Variants in AMBRA1 observed in about 807,000 individuals in gnomAD.
The protein encoded by AMBRA1 is autophagy and beclin 1 regulator 1.
A neutral mutation model predicts 125.4 loss-of-function variants in AMBRA1; 47 were observed. That is an observed-to-expected ratio of 0.37 (90% CI 0.30 to 0.48). The LOEUF (loss-of-function observed/expected upper bound fraction) is 0.48. Among genes scored for constraint, AMBRA1 ranks in the 20% least tolerant of loss-of-function variants. AMBRA1 has a pLI of 0.99. For missense variants in AMBRA1, 1,331 were observed against 1,693.4 expected, an observed-to-expected ratio of 0.79 and a Z score of 3.76; for synonymous variants, 626 against 655.5, an observed-to-expected ratio of 0.95 and a Z score of 0.69.
intron 11 of AMBRA1, among the ~76,000 whole-genome samples, chr11:46,445,177 G>A (rs941828612): frequency 1.3e-5 from 2 of 151,980 alleles, no homozygotes; most frequent in Non-Finnish European, 2.9e-5. Flanking sequence ...AAAATTTCAT[G>A]GGAGGAGAGA....
intron 14 of AMBRA1, chr11:46,428,814 G>A (rs541822193): frequency 3.8e-5 from 61 of 1,611,102 alleles, no homozygotes; most frequent in African/African-American, 9.3e-5. Context: ...CTCGCAGGTC[G>A]CTCACCCTCC....
Position 46,418,006 on chromosome 11 carries a change from T to A in AMBRA1, c.3023A>T (p.His1008Leu). The A allele has an allele frequency of 6.2e-7, 1 of 1,607,702 alleles. No homozygotes were observed. Among genetic ancestry groups the A allele is most frequent in the Non-Finnish European group, 8.5e-7 (1 of 1,175,666 alleles). The change falls in exon 15 of 18, where the codon CAT becomes CTT. Residue 1008 changes from histidine (H) to leucine (L), a missense_variant. Physicochemically the swap from His to Leu is moderately conservative, Grantham distance 99. Transcript: ENST00000683756. Reference sequence around the variant, plus strand: ...CCAACGGGCAGAGTTGATACTGACATGTCTCCGCTGGTCGGCAGGCATGGG... The same window carrying A: ...CCAACGGGCAGAGTTGATACTGACAAGTCTCCGCTGGTCGGCAGGCATGGG... ...LYPMPADQRR[H>L]VSINSARWLP... is the part of the protein sequence containing the mutation.
chr11:46,568,772 CA>C (rs199607275), intron 1 of AMBRA1, among the ~76,000 whole-genome samples: 108 of 92,402 alleles, frequency 1.2e-3, no homozygotes, highest in Non-Finnish European at 1.4e-3. Context: ...AACTCCATCT[CA>C]AAAAAAAAAA....
chr11:46,557,276 G>T (rs1207327444), intron 1 of AMBRA1, among the ~76,000 whole-genome samples: 1 of 149,916 alleles, frequency 6.7e-6, no homozygotes, highest in Non-Finnish European at 1.5e-5. Flanking sequence ...ACTCCAGCCT[G>T]GGGGAGAGAG....
At chr11:46,430,962 C>T (rs1210296813) in intron 14 of AMBRA1, among the ~76,000 whole-genome samples, 1 of 152,226 alleles carries the variant, frequency 6.6e-6, no homozygotes, top group South Asian at 2.1e-4. Flanking sequence ...AAATTCACTT[C>T]TTGCCTTAAA....
intron 15 of AMBRA1, among the ~76,000 whole-genome samples, chr11:46,415,802 G>A (rs1590743879): frequency 6.6e-6 from 1 of 152,206 alleles, no homozygotes; most frequent in African/African-American, 2.4e-5. Flanking sequence ...TTCCTGGTGG[G>A]TAAGAGAGTT....
chr11:46,585,885 A>G (rs2044380399), intron 1 of AMBRA1, among the ~76,000 whole-genome samples: 1 of 148,356 alleles, frequency 6.7e-6, no homozygotes, highest in Non-Finnish European at 1.5e-5. Context: ...AGCTCACCAC[A>G]ACCTCCGCCT....
At chr11:46,419,132 G>A (rs1946720244) in intron 14 of AMBRA1, among the ~76,000 whole-genome samples, 4 of 152,208 alleles carry the variant, frequency 2.6e-5, no homozygotes, top group Admixed American at 2.6e-4. Context: ...TGAACATTCA[G>A]GCACACAACT....
intron 11 of AMBRA1, among the ~76,000 whole-genome samples, chr11:46,457,108 A>G (rs942560481): frequency 2.6e-5 from 4 of 152,240 alleles, no homozygotes; most frequent in Non-Finnish European, 5.9e-5. Flanking sequence ...ATTTCAGGGT[A>G]CAGCATTACA....
At chr11:46,437,391 T>A (rs1351341318) in intron 12 of AMBRA1, among the ~76,000 whole-genome samples, 1 of 152,224 alleles carries the variant, frequency 6.6e-6, no homozygotes, top group African/African-American at 2.4e-5. Context: ...CACAGAGATA[T>A]GCAAAGGACA....
chr11:46,524,029 C>T (rs932019113), intron 7 of AMBRA1, among the ~76,000 whole-genome samples: 8 of 152,058 alleles, frequency 5.3e-5, no homozygotes, highest in African/African-American at 9.7e-5. Flanking sequence ...CCACCATGCC[C>T]AGCTAATTTT....
intron 7 of AMBRA1, among the ~76,000 whole-genome samples, chr11:46,523,770 G>A (rs1214042227): frequency 2.6e-5 from 4 of 152,212 alleles, no homozygotes; most frequent in African/African-American, 4.8e-5. Flanking sequence ...AGAGAAAGGC[G>A]TGACACAAGA....
At chr11:46,519,843 C>T (rs1182243630) in intron 7 of AMBRA1, among the ~76,000 whole-genome samples, 1 of 152,106 alleles carries the variant, frequency 6.6e-6, no homozygotes, top group Non-Finnish European at 1.5e-5. Flanking sequence ...ACTCCTTTAA[C>T]ACTCTTAAAA....
intron 17 of AMBRA1, 90 bp from the exon 18 acceptor site, chr11:46,398,033 T>C (rs948000705): frequency 1.4e-6 from 2 of 1,476,250 alleles, no homozygotes; most frequent in Admixed American, 4.4e-5. Context: ...AGCTGGGGGA[T>C]TCTTGACTAA....
chr11:46,484,115 T>C (rs990261530), intron 11 of AMBRA1, among the ~76,000 whole-genome samples: 4 of 152,212 alleles, frequency 2.6e-5, no homozygotes, highest in African/African-American at 4.8e-5. Flanking sequence ...CACTGCAGCT[T>C]TGTGCCATGC....
At position 46,512,719 on chromosome 11, in the gene AMBRA1, G is replaced by C. The variant is rs1487664938; in HGVS notation, c.2159+8C>G. The C allele has an allele frequency of 7.4e-6, 12 of 1,612,294 alleles. No homozygotes were observed. Among genetic ancestry groups the C allele is most frequent in the South Asian group, 1.1e-5 (1 of 90,780 alleles). On this transcript the variant is annotated splice_region_variant and intron_variant, in intron 8 of 17. Coordinates refer to ENST00000683756, the MANE Select transcript of AMBRA1 (RefSeq NM_001387011.1). ...CCCACCTAGTGCCATTTCTCACTTTGGCCTTACCTCGCTGGGTCTGGGTAA... is the reference window on the plus strand; with the variant it reads ...CCCACCTAGTGCCATTTCTCACTTTCGCCTTACCTCGCTGGGTCTGGGTAA...
At position 46,542,076 on chromosome 11, in the gene AMBRA1, C is replaced by T. The variant is rs984551239; in HGVS notation, c.1941G>A (p.Gly647=). Residue 647 remains glycine, a synonymous_variant, in exon 7 of 18, where the codon GGG becomes GGA. Transcript: ENST00000683756. The surrounding 1 kb of genome is among the most constrained non-coding windows in gnomAD (Gnocchi z 5.9). ...SASPQEERTV[G]VAFNQETGHW... ...GGCCTGTCTCCTGGTTAAAGGCCACCCCCACAGTCCTCTCCTCCTGCGGAC... is the reference window on the plus strand; with the variant it reads ...GGCCTGTCTCCTGGTTAAAGGCCACTCCCACAGTCCTCTCCTCCTGCGGAC... 5 of 1,613,784 alleles carry T rather than the reference C, an allele frequency of 3.1e-6. No homozygotes were observed. In the Middle Eastern group the frequency reaches 6.6e-4, roughly 213 times the overall value.
At chr11:46,419,120 C>T (rs1476031245) in intron 14 of AMBRA1, among the ~76,000 whole-genome samples, 1 of 152,200 alleles carries the variant, frequency 6.6e-6, no homozygotes, top group African/African-American at 2.4e-5. Flanking sequence ...AGAGGGGAAT[C>T]GTGAACATTC....
intron 1 of AMBRA1, among the ~76,000 whole-genome samples, chr11:46,560,742 A>G (rs1486756011): frequency 3.3e-5 from 5 of 152,204 alleles, no homozygotes; most frequent in Non-Finnish European, 7.3e-5. Flanking sequence ...CAAAAGAATC[A>G]AGAAGACCAA....
Sources: gnomAD v4.1 joint callset for allele counts (sites outside exome capture counted in the v4.1 genomes callset) on GRCh38, gnomAD v4.1.1 for gene constraint, Gnocchi (gnomAD v3.1) non-coding constraint, MANE v1.5 for transcripts, NCBI Gene and HGNC (gene_info 2026-07-23, HGNC 2026-07-21) for gene names.